ARHGAP24: variants seen among roughly 807,000 people sequenced by gnomAD.
The protein encoded by ARHGAP24 is rho GTPase-activating protein 24.
In ARHGAP24, 50 loss-of-function variants were observed where a neutral mutation model predicts 76.4. The observed-to-expected ratio is 0.65, with a 90% CI of 0.52 to 0.83. ARHGAP24 has a LOEUF of 0.83. Ranked by LOEUF, ARHGAP24 falls within the 40% of genes least tolerant of loss-of-function variation. ARHGAP24 has a pLI of 0.00. For synonymous variants in ARHGAP24, 345 were observed against 323.3 expected, an observed-to-expected ratio of 1.07 and a Z score of -0.72; for missense variants, 930 against 914.2, an observed-to-expected ratio of 1.02 and a Z score of -0.22.
intron 3 of ARHGAP24, among the ~76,000 whole-genome samples, chr4:85,869,013 C>T (rs1378646903): frequency 6.6e-6 from 1 of 151,710 alleles, no homozygotes; most frequent in Non-Finnish European, 1.5e-5. Flanking sequence ...GATACATGTA[C>T]AACTATGAGA....
chr4:85,937,688 C>CA (rs1458906978), intron 4 of ARHGAP24, among the ~76,000 whole-genome samples: 1 of 152,096 alleles, frequency 6.6e-6, no homozygotes, highest in Non-Finnish European at 1.5e-5. Context: ...AGGAGACTGA[C>CA]AGTTTTAAAG....
At chr4:85,813,643 TA>T (rs534911722) in intron 3 of ARHGAP24, among the ~76,000 whole-genome samples, 174 of 151,932 alleles carry the variant, frequency 1.1e-3, no homozygotes, top group African/African-American at 4.0e-3. Flanking sequence ...TTGATTTTTA[TA>T]TTTTCTTCCC....
Position 85,977,554 on chromosome 4 carries a change from T to C in ARHGAP24, c.807-16T>C, listed in dbSNP as rs753723118. The C allele has an allele frequency of 1.2e-6, 2 of 1,612,238 alleles. No individual in the cohort carries two copies. Among genetic ancestry groups the C allele is most frequent in the South Asian group, 1.1e-5 (1 of 90,884 alleles). ...TTGATCCCATTGTATTTCAATCATA[T>C]GCTTATACTCCATAGATTCTTGGAT... is the stretch of plus-strand genomic sequence containing the variant. On this transcript the variant is annotated splice_polypyrimidine_tract_variant and intron_variant, in intron 7 of 9. Coordinates refer to ENST00000395184, the MANE Select transcript of ARHGAP24 (RefSeq NM_001025616.3).
intron 5 of ARHGAP24, among the ~76,000 whole-genome samples, chr4:85,944,167 TG>T (rs1441973463): frequency 1.3e-5 from 2 of 152,336 alleles, no homozygotes; most frequent in Admixed American, 1.3e-4. Context: ...TGGCGTGAGA[TG>T]GTATCTCATT....
intron 1 of ARHGAP24, among the ~76,000 whole-genome samples, chr4:85,553,308 A>T (rs1905035): frequency 6.6e-6 from 1 of 152,038 alleles, no homozygotes; most frequent in Non-Finnish European, 1.5e-5. Context: ...GGTTGCCGCT[A>T]CTGGCTCAGG....
At chr4:85,682,687 C>T (rs186392131) in intron 2 of ARHGAP24, among the ~76,000 whole-genome samples, 10 of 152,282 alleles carry the variant, frequency 6.6e-5, no homozygotes, top group Admixed American at 2.0e-4. Context: ...CCACTTTATG[C>T]GGTTCTTTGC....
At chr4:85,506,515 G>C (rs1025273179) in intron 1 of ARHGAP24, among the ~76,000 whole-genome samples, 3 of 152,202 alleles carry the variant, frequency 2.0e-5, no homozygotes, top group Non-Finnish European at 2.9e-5. Flanking sequence ...TGCGCTAGCA[G>C]TGAGCAAGGC....
chr4:85,997,856 C>T (rs1001776804), intron 9 of ARHGAP24, among the ~76,000 whole-genome samples: 1 of 151,830 alleles, frequency 6.6e-6, no homozygotes, highest in African/African-American at 2.4e-5. Flanking sequence ...GGGGTTTTAC[C>T]ATGTTGGCCA....
intron 2 of ARHGAP24, among the ~76,000 whole-genome samples, chr4:85,597,711 T>A (rs1719891468): frequency 1.3e-5 from 2 of 152,044 alleles, no homozygotes; most frequent in Non-Finnish European, 2.9e-5. Context: ...CATATTTAAA[T>A]AGGTGGTACT....
intron 2 of ARHGAP24, among the ~76,000 whole-genome samples, chr4:85,714,229 G>A (rs1372612145): frequency 6.6e-6 from 1 of 152,130 alleles, no homozygotes; most frequent in Admixed American, 6.6e-5. Context: ...TTAACATGGG[G>A]TAAAGGATCC....
intron 2 of ARHGAP24, among the ~76,000 whole-genome samples, chr4:85,649,866 A>G: frequency 6.6e-6 from 1 of 152,238 alleles, no homozygotes. Flanking sequence ...TTTGATATTC[A>G]TTAGGCTTCA....
intron 2 of ARHGAP24, among the ~76,000 whole-genome samples, chr4:85,623,081 G>T (rs1456246572): frequency 6.6e-6 from 1 of 152,180 alleles, no homozygotes; most frequent in Non-Finnish European, 1.5e-5. Flanking sequence ...CTTTTGCTGT[G>T]CAGAAGCTCT....
chr4:85,737,366 A>G (rs1038607308), intron 3 of ARHGAP24, among the ~76,000 whole-genome samples: 8 of 152,188 alleles, frequency 5.3e-5, no homozygotes, highest in Admixed American at 2.6e-4. Flanking sequence ...CCATTTCATT[A>G]GCAGTCTGAA....
rs189570723 is a variant in ARHGAP24, at chr4:85,942,488, C to T, written c.599+215C>T. On this transcript the variant is annotated intron_variant, in intron 5 of 9. Transcript: ENST00000395184. ...CTCTTCCATACTTTCCATCTTAAAA[C>T]ATTTTTTTTGTTCTTCTTCTTTGGT... 6.1e-4 allele frequency: 330 copies of T among 537,776 alleles called. 3 individuals are homozygous for T. The highest frequency in any genetic ancestry group is 5.7e-3 in the African/African-American group (304 of 53,076). The allele number at this position is 537,776 out of a possible 1,614,324, so 33.3% of individuals were successfully genotyped here.
intron 3 of ARHGAP24, among the ~76,000 whole-genome samples, chr4:85,736,372 AAAAG>A (rs371173805): frequency 1.7e-3 from 253 of 152,214 alleles, no homozygotes; most frequent in African/African-American, 4.8e-3. Flanking sequence ...TTTGTTGAAC[AAAAG>A]AAAGAAAGAA....
chr4:85,641,052 T>C (rs1721502069), intron 2 of ARHGAP24, among the ~76,000 whole-genome samples: 2 of 152,108 alleles, frequency 1.3e-5, no homozygotes, highest in South Asian at 2.1e-4. Flanking sequence ...ACTAAAGAAA[T>C]TTCTTTAAGT....
At chr4:85,875,752 G>T (rs888336493) in intron 3 of ARHGAP24, among the ~76,000 whole-genome samples, 1 of 143,936 alleles carries the variant, frequency 6.9e-6, no homozygotes, top group Non-Finnish European at 1.5e-5. Flanking sequence ...GGTTGTGGGG[G>T]AGAACAGAAT....
intron 4 of ARHGAP24, among the ~76,000 whole-genome samples, chr4:85,932,541 T>G (rs1328859780): frequency 6.7e-6 from 1 of 149,904 alleles, no homozygotes; most frequent in Non-Finnish European, 1.5e-5. Context: ...CCTTAAATAC[T>G]AAGCGGGGAA....
At chr4:85,626,405 C>T (rs1337729164) in intron 2 of ARHGAP24, among the ~76,000 whole-genome samples, 1 of 152,182 alleles carries the variant, frequency 6.6e-6, no homozygotes, top group African/African-American at 2.4e-5. Flanking sequence ...GGTCCCCACT[C>T]TCTTCTGGCT....
Sources: gnomAD v4.1 joint callset for allele counts (sites outside exome capture counted in the v4.1 genomes callset) on GRCh38, gnomAD v4.1.1 for gene constraint, MANE v1.5 for transcripts, NCBI Gene and HGNC (gene_info 2026-07-23, HGNC 2026-07-21) for gene names.